The following RAB44 variants were observed in gnomAD, a reference collection of about 807,000 sequenced individuals.
RAB44 encodes ras-related protein Rab-44.
In RAB44, 67 loss-of-function variants were observed where a neutral mutation model predicts 93.3. That is an observed-to-expected ratio of 0.72 (90% confidence interval 0.59 to 0.88). The LOEUF is 0.88. RAB44 is among the 40% of genes least tolerant of loss of function. RAB44 has a pLI of 0.00. For synonymous variants in RAB44, 427 were observed against 520.3 expected (o/e 0.82, Z 2.44); for missense variants, 1,064 against 1,261.7 (o/e 0.84, Z 2.37).
chr6:36,731,858 G>A lies in RAB44; in HGVS notation c.2976-145G>A, dbSNP rs1469162398. On this transcript the variant is annotated intron_variant, in intron 13 of 13. Coordinates refer to ENST00000612677, the MANE Select transcript of RAB44 (RefSeq NM_001257357.2). The surrounding 1 kb of genome is among the most constrained non-coding windows in gnomAD (Gnocchi z 4.0). ...CAAAGTCTCAGTGACTCAATTCTTCGGGTCTCATGTGGAATGCAGGGCAGG... is the reference window on the plus strand; with the variant it reads ...CAAAGTCTCAGTGACTCAATTCTTCAGGTCTCATGTGGAATGCAGGGCAGG... The A allele has an allele frequency of 3.1e-5, 13 of 415,526 alleles. No homozygotes were observed. The highest frequency in any genetic ancestry group is 4.4e-5 in the Admixed American group (1 of 22,530). 25.7% of individuals were successfully genotyped at this position (415,526 alleles called of 1,614,324 possible). A position where few individuals can be genotyped will look rare whatever the true frequency, so the allele number is the denominator to read the frequency against.
chr6:36,705,838 T>C (rs1762636886), intron 2 of RAB44, among the ~76,000 whole-genome samples: 2 of 152,062 alleles, frequency 1.3e-5, no homozygotes, highest in African/African-American at 4.8e-5. Context: ...TATTGAGACA[T>C]TTTAGCTTCT....
chr6:36,725,760 G>C (rs1032268584), intron 9 of RAB44, 102 bp from the exon 10 acceptor site: 1 of 770,420 alleles, frequency 1.3e-6, no homozygotes, highest in East Asian at 2.7e-5. Flanking sequence ...GGGCTCCATC[G>C]CACCGCAGCT....
intron 12 of RAB44, among the ~76,000 whole-genome samples, chr6:36,730,005 G>A (rs1173113327): frequency 1.3e-5 from 2 of 152,166 alleles, no homozygotes; most frequent in Admixed American, 6.5e-5. Flanking sequence ...TCATGTGAGA[G>A]GTTAGTATTT....
chr6:36,730,866 G>C (rs1275050029), intron 13 of RAB44, 117 bp downstream of exon 13: 1 of 458,402 alleles, frequency 2.2e-6, no homozygotes, highest in Non-Finnish European at 3.5e-6. Context: ...TGAGGAAATG[G>C]GTCAGGGAAG....
intron 1 of RAB44, among the ~76,000 whole-genome samples, chr6:36,698,621 C>T (rs2150320615): frequency 6.6e-6 from 1 of 152,184 alleles, no homozygotes; most frequent in East Asian, 1.9e-4. Flanking sequence ...TATGTGTGTC[C>T]TAGCCATGAA....
intron 1 of RAB44, among the ~76,000 whole-genome samples, chr6:36,702,296 GAGA>G (rs1562050515): frequency 2.0e-4 from 2 of 10,182 alleles, no homozygotes; most frequent in Non-Finnish European, 3.5e-4. Flanking sequence ...CGAAGGGGGA[GAGA>G]GAGAGAGAGA....
chr6:36,730,281 G>C lies in RAB44; in HGVS notation c.2899-392G>C, dbSNP rs559729549. ...CCCAAACACTAACAGCAGTGGTTTAGATATTGAGCTGGTACTGTCTTATAC... is the reference window on the plus strand; with the variant it reads ...CCCAAACACTAACAGCAGTGGTTTACATATTGAGCTGGTACTGTCTTATAC... On this transcript the variant is annotated intron_variant, in intron 12 of 13. Coordinates refer to ENST00000612677, the MANE Select transcript of RAB44 (RefSeq NM_001257357.2). Among the ~76,000 whole-genome samples, 31 of 152,264 alleles carry C rather than the reference G, an allele frequency of 2.0e-4. No individual in the cohort carries two copies. In the South Asian group the frequency reaches 6.4e-3, roughly 32 times the overall value.
intron 2 of RAB44, among the ~76,000 whole-genome samples, chr6:36,707,125 G>C (rs573026418): frequency 6.6e-6 from 1 of 152,096 alleles, no homozygotes; most frequent in African/African-American, 2.4e-5. Flanking sequence ...TTCCTGACTA[G>C]CCTGACCAAC....
chr6:36,698,082 A>C (rs1327002740), intron 1 of RAB44, among the ~76,000 whole-genome samples, 167 bp downstream of exon 1: 1 of 152,162 alleles, frequency 6.6e-6, no homozygotes. Context: ...GGGATGGGAA[A>C]GCACTTGGGC....
intron 10 of RAB44, 117 bp downstream of exon 10, chr6:36,726,060 A>G: frequency 1.3e-6 from 1 of 760,306 alleles, no homozygotes; most frequent in Non-Finnish European, 2.2e-6. Context: ...AGGATTCAGG[A>G]GGTCAGGGAA....
At position 36,722,079 on chromosome 6, in the gene RAB44, C is replaced by T; in HGVS notation, c.1945C>T (p.Leu649=). The T allele has an allele frequency of 2.4e-6, 3 of 1,229,016 alleles. No individual in the cohort carries two copies. Among genetic ancestry groups the T allele is most frequent in the Non-Finnish European group, 3.0e-6 (3 of 988,546 alleles). The allele number at this position is 1,229,016 out of a possible 1,614,324, so 76.1% of individuals were successfully genotyped here. ...PAVQEGLPEG[L]REAHGQVLGL... is the part of the protein sequence containing the mutation. ...GGTGCAGGAGGGCCTTCCTGAGGGG[C>T]TAAGAGAAGCTCATGGCCAGGTCCT... The change falls in exon 9 of 14, where the codon CTA becomes TTA. Residue 649 remains leucine (L), a synonymous_variant. Transcript: ENST00000612677.
intron 1 of RAB44, among the ~76,000 whole-genome samples, chr6:36,702,296 GAGAGAGA>G (rs1762528489): frequency 9.8e-5 from 1 of 10,184 alleles, no homozygotes; most frequent in African/African-American, 1.9e-4. Context: ...CGAAGGGGGA[GAGAGAGA>G]GAGAGAGAGA....
chr6:36,724,970 C>T (rs559821823), intron 9 of RAB44, among the ~76,000 whole-genome samples: 46 of 152,158 alleles, frequency 3.0e-4, no homozygotes, highest in Non-Finnish European at 5.9e-4. Flanking sequence ...TCAGAGCCAA[C>T]GGAGTTATAT....
chr6:36,728,586 A>G, intron 11 of RAB44, 114 bp from the exon 12 acceptor site: 2 of 750,950 alleles, frequency 2.7e-6, no homozygotes, highest in Non-Finnish European at 4.7e-6. Flanking sequence ...TATGGAGTGG[A>G]TGTGGCCTGG....
chr6:36,729,486 CTTT>C (rs1253274086), intron 12 of RAB44, among the ~76,000 whole-genome samples: 1 of 137,208 alleles, frequency 7.3e-6, no homozygotes. Flanking sequence ...TTCTTTCTTT[CTTT>C]TTTTTTTTTT....
intron 9 of RAB44, among the ~76,000 whole-genome samples, chr6:36,723,249 A>G (rs1395805567): frequency 6.6e-6 from 1 of 152,228 alleles, no homozygotes; most frequent in Non-Finnish European, 1.5e-5. Flanking sequence ...AATTTGGACA[A>G]ATGATTTAAC....
chr6:36,721,698 A>T lies in RAB44; in HGVS notation c.1564A>T (p.Ile522Phe). ...GGCCCCAGCTGGGTCCAGCAAACAGATCCAGGCCTCAGACCCAGATGACAA... is the reference window on the plus strand; with the variant it reads ...GGCCCCAGCTGGGTCCAGCAAACAGTTCCAGGCCTCAGACCCAGATGACAA... ...PQAPAGSSKQIQASDPDDKGP... is the reference protein window; with the variant it reads ...PQAPAGSSKQFQASDPDDKGP... Residue 522 changes from isoleucine (I) to phenylalanine (F), a missense_variant, in exon 9 of 14, where the codon ATC (isoleucine) becomes TTC (phenylalanine). Transcript: ENST00000612677. The T allele has an allele frequency of 8.1e-7, 1 of 1,234,216 alleles. No homozygotes were observed. The highest frequency in any genetic ancestry group is 1.0e-6 in the Non-Finnish European group (1 of 988,170). 76.5% of individuals were successfully genotyped at this position (1,234,216 alleles called of 1,614,324 possible). A position where few individuals can be genotyped will look rare whatever the true frequency, so the allele number is the denominator to read the frequency against.
chr6:36,715,470 G>T lies in RAB44; in HGVS notation c.320-9G>T. ...ACTGTGCTCCCCTCTGTCCACTTCT[G>T]TCCCACAGAAAACATCTTTGGCTCC... is the stretch of plus-strand genomic sequence containing the variant. On this transcript the variant is annotated splice_polypyrimidine_tract_variant and intron_variant, in intron 3 of 13. Coordinates refer to ENST00000612677, the MANE Select transcript of RAB44 (RefSeq NM_001257357.2). The T allele has an allele frequency of 6.5e-7, 1 of 1,536,044 alleles. No homozygotes were observed. Among genetic ancestry groups the T allele is most frequent in the African/African-American group, 1.4e-5 (1 of 73,174 alleles).
intron 11 of RAB44, among the ~76,000 whole-genome samples, 194 bp downstream of exon 11, chr6:36,727,885 C>A (rs894893077): frequency 6.6e-6 from 1 of 152,226 alleles, no homozygotes; most frequent in Admixed American, 6.5e-5. Context: ...ATAGTACAGA[C>A]TTCAAACCAA....
Sources: allele counts gnomAD v4.1 joint callset (sites outside exome capture counted in the v4.1 genomes callset), GRCh38; gene constraint gnomAD v4.1.1; non-coding constraint Gnocchi (gnomAD v3.1); transcripts MANE v1.5; gene names NCBI Gene and HGNC (gene_info 2026-07-23, HGNC 2026-07-21).